Variants in TLE4 observed in about 807,000 individuals in gnomAD.
The protein encoded by TLE4 is TLE family member 4, transcriptional corepressor.
In TLE4, 8 loss-of-function variants were observed where a neutral mutation model predicts 92.8. The observed-to-expected ratio is 0.09, with a 90% CI of 0.05 to 0.16. The LOEUF (loss-of-function observed/expected upper bound fraction) is 0.16. TLE4 is among the 10% of genes least tolerant of loss of function. TLE4 has a pLI of 1.00. For synonymous variants in TLE4, 371 were observed against 374.1 expected, an observed-to-expected ratio of 0.99 and a Z score of 0.10; for missense variants, 675 against 997.6, an observed-to-expected ratio of 0.68 and a Z score of 4.36.
chr9:79,573,958 A>G (rs2036826884), intron 2 of TLE4, 172 bp downstream of exon 2: 1 of 412,022 alleles, frequency 2.4e-6, no homozygotes, highest in Non-Finnish European at 4.3e-6. Context: ...AGGCAGGTGT[A>G]AATAAATTAA....
chr9:79,633,204 A>T (rs1191995901), intron 6 of TLE4, among the ~76,000 whole-genome samples: 1 of 152,166 alleles, frequency 6.6e-6, no homozygotes, highest in Admixed American at 6.5e-5. Context: ...TAAGTAATTT[A>T]AAAACTCTGC....
intron 4 of TLE4, among the ~76,000 whole-genome samples, chr9:79,579,664 T>TTGTG (rs773021125): frequency 1.3e-5 from 2 of 151,124 alleles, no homozygotes; most frequent in South Asian, 4.2e-4. Flanking sequence ...GTGTGTGTAT[T>TTGTG]TGTGTGTGTG....
At chr9:79,678,353 A>G (rs1253660600) in intron 8 of TLE4, among the ~76,000 whole-genome samples, 2 of 152,100 alleles carry the variant, frequency 1.3e-5, no homozygotes, top group East Asian at 1.9e-4. Flanking sequence ...TTATCAGCAG[A>G]CTTTCATTGC....
chr9:79,640,633 C>A (rs1221571809), intron 6 of TLE4, among the ~76,000 whole-genome samples: 1 of 152,066 alleles, frequency 6.6e-6, no homozygotes. Flanking sequence ...TCTTCCATAA[C>A]CAGGTCTTTC....
At chr9:79,681,832 A>ATGTGTGTGTG (rs35005870) in intron 8 of TLE4, among the ~76,000 whole-genome samples, 68 of 141,702 alleles carry the variant, frequency 4.8e-4, no homozygotes, top group Admixed American at 1.5e-3. Flanking sequence ...GAGTGTGTGC[A>ATGTGTGTGTG]TGTGTGTGTG....
chr9:79,611,786 A>G (rs12351219), intron 4 of TLE4, among the ~76,000 whole-genome samples: 21,444 of 151,968 alleles, frequency 0.14, 1,721 homozygotes, highest in African/African-American at 0.17. Flanking sequence ...CATTGGTAAA[A>G]CTGTGAGTAA....
intron 8 of TLE4, among the ~76,000 whole-genome samples, chr9:79,661,599 T>C (rs535962003): frequency 6.6e-6 from 1 of 152,322 alleles, no homozygotes; most frequent in South Asian, 2.1e-4. Flanking sequence ...TTTGATGCTT[T>C]TAAATAAGGT....
chr9:79,719,110 C>G lies in TLE4; in HGVS notation c.1590+139C>G, dbSNP rs942617911. 2.3e-6 allele frequency: 3 copies of G among 1,294,776 alleles called. No individual in the cohort carries two copies. The South Asian group carries it at 5.0e-5, about 22-fold the overall frequency. The allele number at this position is 1,294,776 out of a possible 1,614,324, so 80.2% of individuals were successfully genotyped here. A position where few individuals can be genotyped will look rare whatever the true frequency, so the allele number is the denominator to read the frequency against. ...TGCTCTTCAGGGGACTGCGATCTTT[C>G]ACTTGGAGGTGTGTCTTTTGCTTCC... On this transcript the variant is annotated intron_variant, in intron 15 of 19. Coordinates refer to ENST00000376552, the MANE Select transcript of TLE4 (RefSeq NM_007005.6).
At chr9:79,602,982 G>A (rs982459672) in intron 4 of TLE4, among the ~76,000 whole-genome samples, 24 of 152,116 alleles carry the variant, frequency 1.6e-4, no homozygotes, top group Middle Eastern at 3.2e-3. Flanking sequence ...CTTTGGAGGG[G>A]TTCAAGACCC....
At chr9:79,607,399 G>A (rs1327087947) in intron 4 of TLE4, among the ~76,000 whole-genome samples, 1 of 152,034 alleles carries the variant, frequency 6.6e-6, no homozygotes, top group East Asian at 1.9e-4. Flanking sequence ...TGTCAATTTT[G>A]GCTTCTGTTG....
Position 79,726,034 on chromosome 9 carries a change from T to A in TLE4, c.*890T>A, listed in dbSNP as rs2136343344. 6.5e-6 allele frequency: 1 copy of A among 152,726 alleles called. No individual in the cohort carries two copies. The highest frequency in any genetic ancestry group is 2.1e-4 in the South Asian group (1 of 4,832). 9.5% of individuals were successfully genotyped at this position (152,726 alleles called of 1,614,324 possible). ...TTTGTTGTTATGAGAAATTATGGGT[T>A]ATTTTGTGGCATGCTCTTTGGGAGC... On this transcript the variant is annotated 3_prime_UTR_variant, in exon 20 of 20. Coordinates refer to ENST00000376552, the MANE Select transcript of TLE4 (RefSeq NM_007005.6).
chr9:79,626,640 A>G (rs540065665), intron 5 of TLE4, among the ~76,000 whole-genome samples: 2 of 152,364 alleles, frequency 1.3e-5, no homozygotes, highest in East Asian at 1.9e-4. Context: ...TACAAAAATT[A>G]CTAACATCAG....
At chr9:79,603,000 G>A (rs1445423282) in intron 4 of TLE4, among the ~76,000 whole-genome samples, 1 of 152,100 alleles carries the variant, frequency 6.6e-6, no homozygotes, top group Non-Finnish European at 1.5e-5. Context: ...CCCTGAGGAT[G>A]TTCTTTGGGG....
chr9:79,595,484 C>G (rs185033073), intron 4 of TLE4, among the ~76,000 whole-genome samples: 3 of 152,114 alleles, frequency 2.0e-5, no homozygotes, highest in Non-Finnish European at 4.4e-5. Context: ...TTTTGCTGAT[C>G]GGTAACAATG....
chr9:79,608,423 A>G (rs1365029551), intron 4 of TLE4, among the ~76,000 whole-genome samples: 1 of 152,090 alleles, frequency 6.6e-6, no homozygotes, highest in Non-Finnish European at 1.5e-5. Flanking sequence ...GTGAAGTGAT[A>G]AGGTTGCAAG....
chr9:79,706,688 C>T, intron 10 of TLE4, 59 bp from the exon 11 acceptor site: 1 of 1,559,226 alleles, frequency 6.4e-7, no homozygotes, highest in Non-Finnish European at 8.7e-7. Context: ...CCACACCCAA[C>T]AACCCCAGCA....
chr9:79,623,845 G>T (rs913279111), intron 5 of TLE4, among the ~76,000 whole-genome samples: 1 of 152,010 alleles, frequency 6.6e-6, no homozygotes, highest in Non-Finnish European at 1.5e-5. Flanking sequence ...ATTCTTAGTG[G>T]CATTTCATTT....
intron 6 of TLE4, among the ~76,000 whole-genome samples, chr9:79,646,648 T>A (rs1445313743): frequency 6.6e-6 from 1 of 152,172 alleles, no homozygotes; most frequent in Non-Finnish European, 1.5e-5. Context: ...CTAGGCTAGT[T>A]CCTAAGGTGA....
rs556390344 is a variant in TLE4, at chr9:79,589,319, T to G, written c.252+13142T>G. On this transcript the variant is annotated intron_variant, in intron 4 of 19. Coordinates refer to ENST00000376552, the MANE Select transcript of TLE4 (RefSeq NM_007005.6). ...TTAAACGTACTTAACCTTTTCAGGT[T>G]TTTTCCTCCCTTTCCCATGATGATA... Among the ~76,000 whole-genome samples, 292 of 152,256 alleles carry G rather than the reference T, an allele frequency of 1.9e-3. 1 individual carries two copies. Among genetic ancestry groups the G allele is most frequent in the African/African-American group, 5.5e-3 (228 of 41,548 alleles).
Sources: gnomAD v4.1 joint callset for allele counts (sites outside exome capture counted in the v4.1 genomes callset) on GRCh38, gnomAD v4.1.1 for gene constraint, MANE v1.5 for transcripts, NCBI Gene and HGNC (gene_info 2026-07-23, HGNC 2026-07-21) for gene names.